Variants in WWOX observed in about 807,000 individuals in gnomAD.
WWOX encodes WW domain containing oxidoreductase, also known as WW domain-containing oxidoreductase.
Under a neutral mutation model 46.2 loss-of-function variants are expected in WWOX, and 69 were observed. That is an observed-to-expected ratio of 1.49 (90% CI 1.23 to 1.82). WWOX has a LOEUF of 1.82. Ranked by LOEUF, WWOX falls within the 40% of genes most tolerant of loss-of-function variation. The pLI, the probability that WWOX is intolerant of heterozygous loss-of-function variation, is 0.00. For synonymous variants in WWOX, 359 were observed against 202.6 expected (o/e 1.77, Z -6.56); for missense variants, 919 against 542.6 (o/e 1.69, Z -6.89).
chr16:79,065,617 A>T (rs770558462), intron 8 of WWOX, among the ~76,000 whole-genome samples: 3 of 152,200 alleles, frequency 2.0e-5, no homozygotes, highest in Non-Finnish European at 4.4e-5. Flanking sequence ...GGAAGTTCCA[A>T]ATCTTGTGAC....
At chr16:78,819,169 A>C (rs770365442) in intron 8 of WWOX, among the ~76,000 whole-genome samples, 9 of 152,098 alleles carry the variant, frequency 5.9e-5, no homozygotes, top group Non-Finnish European at 7.3e-5. Flanking sequence ...CTTCTTTTGG[A>C]TCTTCTCAGC....
intron 8 of WWOX, among the ~76,000 whole-genome samples, chr16:79,028,331 ATGAG>A (rs2047686587): frequency 1.3e-5 from 2 of 151,830 alleles, no homozygotes; most frequent in Admixed American, 6.6e-5. Context: ...GGGTGACACT[ATGAG>A]TGTATCGTTA....
chr16:78,505,045 C>T (rs968322984), intron 8 of WWOX, among the ~76,000 whole-genome samples: 21 of 152,106 alleles, frequency 1.4e-4, no homozygotes, highest in African/African-American at 5.1e-4. Flanking sequence ...GTTCCTTCTC[C>T]TCCTCTAAGG....
At chr16:78,868,680 C>G (rs1353894943) in intron 8 of WWOX, among the ~76,000 whole-genome samples, 2 of 152,138 alleles carry the variant, frequency 1.3e-5, no homozygotes, top group Non-Finnish European at 2.9e-5. Context: ...AAGAGTCACT[C>G]TGAGATTGAA....
intron 8 of WWOX, among the ~76,000 whole-genome samples, chr16:79,100,243 AC>A (rs769907799): frequency 2.0e-5 from 3 of 152,142 alleles, no homozygotes; most frequent in Non-Finnish European, 4.4e-5. Context: ...AAAAAAAGAT[AC>A]CCACCAAAGA....
At chr16:78,191,927 A>G (rs35258046) in intron 5 of WWOX, among the ~76,000 whole-genome samples, 53,607 of 152,110 alleles carry the variant, frequency 0.35, 9,821 homozygotes, top group South Asian at 0.45. Flanking sequence ...CATTGAAAGT[A>G]TGACACACAG....
intron 8 of WWOX, among the ~76,000 whole-genome samples, chr16:78,523,160 A>C (rs536784039): frequency 6.6e-6 from 1 of 152,244 alleles, no homozygotes; most frequent in Non-Finnish European, 1.5e-5. Context: ...AGTGGCTTAC[A>C]GACCTAAATT....
chr16:79,103,628 G>T (rs1042409313), intron 8 of WWOX, among the ~76,000 whole-genome samples: 2 of 152,094 alleles, frequency 1.3e-5, no homozygotes, highest in African/African-American at 4.8e-5. Context: ...TAATTTTTAA[G>T]ATCTTAACAA....
At chr16:78,665,383 T>A (rs1020942226) in intron 8 of WWOX, among the ~76,000 whole-genome samples, 6 of 152,170 alleles carry the variant, frequency 3.9e-5, no homozygotes, top group African/African-American at 1.2e-4. Context: ...AATAATTGAA[T>A]TATTATTATT....
chr16:78,871,085 C>T (rs1054821458), intron 8 of WWOX, among the ~76,000 whole-genome samples: 1 of 151,618 alleles, frequency 6.6e-6, no homozygotes, highest in Admixed American at 6.6e-5. Context: ...CTCATAGAAG[C>T]AATTCAGTAA....
chr16:78,959,846 G>T (rs1173880928), intron 8 of WWOX, among the ~76,000 whole-genome samples: 2 of 152,206 alleles, frequency 1.3e-5, no homozygotes, highest in Admixed American at 1.3e-4. Flanking sequence ...AAAAGATCCT[G>T]ATGCCTGGTT....
intron 8 of WWOX, among the ~76,000 whole-genome samples, chr16:78,469,530 T>C (rs544739458): frequency 1.3e-5 from 2 of 152,242 alleles, no homozygotes; most frequent in African/African-American, 4.8e-5. Flanking sequence ...AACTAGACAT[T>C]CCCTGGAAGC....
At chr16:78,149,028 A>G (rs569523875) in intron 4 of WWOX, among the ~76,000 whole-genome samples, 70 of 151,560 alleles carry the variant, frequency 4.6e-4, no homozygotes, top group African/African-American at 1.6e-3. Flanking sequence ...AATCTGCTCC[A>G]TCACTCAGGC....
At chr16:78,830,577 A>G (rs1597687102) in intron 8 of WWOX, among the ~76,000 whole-genome samples, 3 of 152,090 alleles carry the variant, frequency 2.0e-5, no homozygotes, top group African/African-American at 4.8e-5. Context: ...CCTCTAGGAG[A>G]TATTTTCCAA....
At chr16:79,054,588 A>G (rs1330693823) in intron 8 of WWOX, among the ~76,000 whole-genome samples, 1 of 152,192 alleles carries the variant, frequency 6.6e-6, no homozygotes, top group Non-Finnish European at 1.5e-5. Context: ...TGGGGCGGTC[A>G]AGGTGGGAAG....
chr16:78,210,856 TG>T (rs2036538346), intron 5 of WWOX, among the ~76,000 whole-genome samples: 1 of 152,230 alleles, frequency 6.6e-6, no homozygotes, highest in African/African-American at 2.4e-5. Context: ...TCTAAGGCAG[TG>T]TTAATTTCCT....
intron 4 of WWOX, among the ~76,000 whole-genome samples, chr16:78,115,453 A>G (rs937780979): frequency 6.6e-6 from 1 of 152,188 alleles, no homozygotes; most frequent in Non-Finnish European, 1.5e-5. Context: ...CCTGGTCTGC[A>G]TGGTGTATGG....
At chr16:78,851,342 G>C (rs574432946) in intron 8 of WWOX, among the ~76,000 whole-genome samples, 17 of 152,302 alleles carry the variant, frequency 1.1e-4, no homozygotes, top group African/African-American at 4.1e-4. Context: ...TAGGAAGAGA[G>C]GATGAGAATT....
At chr16:78,551,329 A>C (rs1397689150) in intron 8 of WWOX, 1 of 152,144 alleles carries the variant, frequency 6.6e-6, no homozygotes, top group Non-Finnish European at 1.5e-5. Context: ...GCATTGTCTG[A>C]ATTTTCCCAA....
Sources: gnomAD v4.1 joint callset for allele counts (sites outside exome capture counted in the v4.1 genomes callset) on GRCh38, gnomAD v4.1.1 for gene constraint, MANE v1.5 for transcripts, NCBI Gene and HGNC (gene_info 2026-07-23, HGNC 2026-07-21) for gene names.